The following PXDNL variants were observed in gnomAD, a reference collection of about 807,000 sequenced individuals.
The protein encoded by PXDNL is peroxidasin like.
A neutral mutation model predicts 150.8 loss-of-function variants in PXDNL; 145 were observed. That is an observed-to-expected ratio of 0.96 (90% CI 0.84 to 1.10). The LOEUF (loss-of-function observed/expected upper bound fraction) is 1.10, where lower values mean the gene tolerates loss of function less well. Among genes scored for constraint, PXDNL ranks in the 50% least tolerant of loss-of-function variants. The pLI is 0.00. For missense variants in PXDNL, 2,087 were observed against 1,873.9 expected (o/e 1.11, Z -2.10); for synonymous variants, 757 against 725.7 (o/e 1.04, Z -0.69).
chr8:51,450,967 T>C (rs1377701686), intron 10 of PXDNL, among the ~76,000 whole-genome samples: 1 of 152,006 alleles, frequency 6.6e-6, no homozygotes, highest in Non-Finnish European at 1.5e-5. Flanking sequence ...AGAACAAAAA[T>C]ATTTCTACAT....
chr8:51,737,917 T>G (rs1817071447), intron 1 of PXDNL, among the ~76,000 whole-genome samples: 1 of 152,170 alleles, frequency 6.6e-6, no homozygotes, highest in African/African-American at 2.4e-5. Flanking sequence ...TGACATGGTA[T>G]GGCCACCTGC....
intron 2 of PXDNL, among the ~76,000 whole-genome samples, chr8:51,646,186 T>G (rs1403006806): frequency 1.3e-5 from 2 of 152,098 alleles, no homozygotes; most frequent in Non-Finnish European, 2.9e-5. Context: ...CCAGTGACAC[T>G]GGTGTCCTTA....
rs1310413627 is a variant in PXDNL, at chr8:51,449,080, C to A, written c.1288G>T (p.Val430Leu). The change falls in exon 11 of 23, where the codon GTG becomes TTG. Residue 430 changes from valine to leucine, a missense_variant. By Grantham distance (32) the Val-to-Leu change is conservative (BLOSUM62 1). Transcript: ENST00000356297. The part of the protein sequence containing the change: ...QFTVTPKDQV[V>L]LEEHAVEWLC... ...CACTCTACAGCATGTTCTTCCAGCA[C>A]CACTTGATCCTTGGGGGTTACTGTA... The A allele has an allele frequency of 1.3e-6, 2 of 1,552,576 alleles. No homozygotes were observed. Among genetic ancestry groups the A allele is most frequent in the East Asian group, 4.9e-5 (2 of 41,148 alleles).
chr8:51,349,266 A>T (rs544959130), intron 19 of PXDNL, among the ~76,000 whole-genome samples: 2 of 152,108 alleles, frequency 1.3e-5, no homozygotes, highest in Admixed American at 6.5e-5. Flanking sequence ...GTGAATGGTG[A>T]CCTAGATTCT....
intron 8 of PXDNL, among the ~76,000 whole-genome samples, chr8:51,470,085 G>T (rs1810290119): frequency 6.6e-6 from 1 of 151,894 alleles, no homozygotes; most frequent in South Asian, 2.1e-4. Flanking sequence ...TTGTAACCTT[G>T]AACACACCAT....
At chr8:51,769,402 C>A (rs539918672) in intron 1 of PXDNL, among the ~76,000 whole-genome samples, 1 of 152,306 alleles carries the variant, frequency 6.6e-6, no homozygotes, top group South Asian at 2.1e-4. Flanking sequence ...TGGGCTCCTG[C>A]CACCTGTCTC....
chr8:51,681,735 T>C (rs777754983), intron 1 of PXDNL, among the ~76,000 whole-genome samples: 55 of 152,266 alleles, frequency 3.6e-4, no homozygotes, highest in Admixed American at 1.7e-3. Context: ...ATTGAAGCCA[T>C]AGCTTTACTG....
intron 1 of PXDNL, among the ~76,000 whole-genome samples, chr8:51,710,916 C>T (rs181268190): frequency 1.2e-3 from 182 of 152,282 alleles, no homozygotes; most frequent in African/African-American, 4.1e-3. Context: ...CCCTCACACT[C>T]CATGGTGAAA....
At chr8:51,469,262 T>C (rs1810270905) in intron 8 of PXDNL, among the ~76,000 whole-genome samples, 1 of 152,046 alleles carries the variant, frequency 6.6e-6, no homozygotes, top group African/African-American at 2.4e-5. Context: ...GAATGAAAGA[T>C]TTTGTCTCTG....
At chr8:51,368,029 G>C (rs1367965910) in intron 19 of PXDNL, among the ~76,000 whole-genome samples, 1 of 152,182 alleles carries the variant, frequency 6.6e-6, no homozygotes, top group Non-Finnish European at 1.5e-5. Context: ...TTGGGAGGCT[G>C]AGGCAGGAGA....
At chr8:51,411,672 A>G (rs1305139384) in intron 15 of PXDNL, among the ~76,000 whole-genome samples, 1 of 152,170 alleles carries the variant, frequency 6.6e-6, no homozygotes, top group Non-Finnish European at 1.5e-5. Flanking sequence ...AGGAAACAAC[A>G]TCTATGGTGG....
intron 21 of PXDNL, among the ~76,000 whole-genome samples, chr8:51,337,460 G>A (rs566378685): frequency 1.3e-5 from 2 of 152,296 alleles, no homozygotes; most frequent in Admixed American, 6.5e-5. Context: ...ATTAACTCAC[G>A]AGGATGAAAT....
intron 4 of PXDNL, among the ~76,000 whole-genome samples, chr8:51,512,154 C>T (rs1426510602): frequency 1.3e-5 from 2 of 152,050 alleles, no homozygotes; most frequent in Non-Finnish European, 2.9e-5. Context: ...GAAAACGGAA[C>T]AAGTATAGGG....
chr8:51,514,405 G>C (rs1811490822), intron 4 of PXDNL, among the ~76,000 whole-genome samples: 1 of 152,136 alleles, frequency 6.6e-6, no homozygotes, highest in Non-Finnish European at 1.5e-5. Flanking sequence ...GTGTCAGGTT[G>C]CTATATACGG....
chr8:51,761,859 G>A (rs1422506524), intron 1 of PXDNL, among the ~76,000 whole-genome samples: 1 of 152,112 alleles, frequency 6.6e-6, no homozygotes, highest in African/African-American at 2.4e-5. Flanking sequence ...CACTCATAAT[G>A]TATTGCATGC....
rs1807651401 is a variant in PXDNL at position 51,384,807 on chromosome 8, T to C, written c.3558-10076A>G. 2.6e-5 allele frequency among the ~76,000 whole-genome samples: 4 copies of C among 152,298 alleles called. No individual in the cohort carries two copies. In the South Asian group the frequency reaches 8.3e-4, roughly 32 times the overall value. The stretch of plus-strand genomic sequence containing the variant: ...TAAGATTTTACATAGAACTAAAATG[T>C]GATAGTCATCAAATTTTCAAAAGCA... On this transcript the variant is annotated intron_variant, in intron 17 of 22. Coordinates refer to ENST00000356297, the MANE Select transcript of PXDNL (RefSeq NM_144651.5).
At chr8:51,703,797 T>C (rs567922421) in intron 1 of PXDNL, among the ~76,000 whole-genome samples, 1 of 152,250 alleles carries the variant, frequency 6.6e-6, no homozygotes. Context: ...TGATTAAAAA[T>C]CCTTTTGTAA....
In PXDNL at chr8:51,533,454, T is replaced by C. The variant is rs944405326; in HGVS notation, c.380+23386A>G. 6.0e-5 allele frequency among the ~76,000 whole-genome samples: 9 copies of C among 150,282 alleles called. No homozygotes were observed. The East Asian group carries it at 6.1e-4, about 10-fold the overall frequency. ...TCATGAGCCACTGTGCCCAGCCTCA[T>C]ACACTGTTTAAAGTTTGAGAAGACC... On this transcript the variant is annotated intron_variant, in intron 4 of 22. Transcript: ENST00000356297.
intron 2 of PXDNL, among the ~76,000 whole-genome samples, chr8:51,604,510 G>A (rs1025684937): frequency 6.6e-6 from 1 of 152,180 alleles, no homozygotes; most frequent in African/African-American, 2.4e-5. Flanking sequence ...GGGGTGGAGG[G>A]AGTGGGGAGG....
Sources: gnomAD v4.1 joint callset for allele counts (sites outside exome capture counted in the v4.1 genomes callset) on GRCh38, gnomAD v4.1.1 for gene constraint, MANE v1.5 for transcripts, NCBI Gene and HGNC (gene_info 2026-07-23, HGNC 2026-07-21) for gene names.